CORO1C: variants seen among roughly 807,000 people sequenced by gnomAD.
CORO1C encodes the protein coronin 1C, also known as coronin-1C.
In CORO1C, 14 loss-of-function variants were observed where a neutral mutation model predicts 51.2. That is an observed-to-expected ratio of 0.27 (90% CI 0.18 to 0.43). The LOEUF (loss-of-function observed/expected upper bound fraction) is 0.43, where lower values mean the gene tolerates loss of function less well. CORO1C is among the 20% of genes least tolerant of loss of function. CORO1C has a pLI of 1.00. For missense variants in CORO1C, 417 were observed against 607.8 expected (o/e 0.69, Z 3.30); for synonymous variants, 181 against 210.5 (o/e 0.86, Z 1.21).
At chr12:108,720,954 A>G (rs1658493134) in intron 1 of CORO1C, among the ~76,000 whole-genome samples, 1 of 152,236 alleles carries the variant, frequency 6.6e-6, no homozygotes, top group South Asian at 2.1e-4. Flanking sequence ...ATTAACATTT[A>G]TTGAACAGCT....
intron 3 of CORO1C, among the ~76,000 whole-genome samples, chr12:108,673,809 C>G (rs1436632037): frequency 6.6e-6 from 1 of 152,100 alleles, no homozygotes; most frequent in Non-Finnish European, 1.5e-5. Flanking sequence ...AGCACACCAG[C>G]ATGGCACATG....
chr12:108,720,684 C>T (rs942762262), intron 1 of CORO1C, among the ~76,000 whole-genome samples: 9 of 151,904 alleles, frequency 5.9e-5, no homozygotes, highest in African/African-American at 9.7e-5. Context: ...CCACCACGCC[C>T]GGCTAATTTT....
intron 3 of CORO1C, among the ~76,000 whole-genome samples, chr12:108,671,264 A>G: frequency 6.6e-6 from 1 of 151,966 alleles, no homozygotes; most frequent in Non-Finnish European, 1.5e-5. Context: ...TGGGCCCAGG[A>G]GGTCAAGGCA....
intron 3 of CORO1C, among the ~76,000 whole-genome samples, chr12:108,675,457 T>C (rs746610029): frequency 1.3e-5 from 2 of 152,110 alleles, no homozygotes; most frequent in African/African-American, 2.4e-5. Flanking sequence ...CCATCAAATA[T>C]GTTCAAATCC....
chr12:108,708,582 C>T (rs2035093624), intron 1 of CORO1C, among the ~76,000 whole-genome samples: 1 of 151,874 alleles, frequency 6.6e-6, no homozygotes, highest in Non-Finnish European at 1.5e-5. Context: ...CTGCCTCAGC[C>T]TCCCAAGTAG....
chr12:108,662,289 G>A, intron 3 of CORO1C, 131 bp from the exon 4 acceptor site: 1 of 787,802 alleles, frequency 1.3e-6, no homozygotes, highest in Non-Finnish European at 2.0e-6. Flanking sequence ...ATGAAAGGCA[G>A]AATGTTGTGA....
chr12:108,649,457 G>A (rs1365218560), intron 8 of CORO1C: 1 of 185,054 alleles, frequency 5.4e-6, no homozygotes, highest in Non-Finnish European at 1.1e-5. Context: ...GAACATATAA[G>A]TATAAATATG....
chr12:108,676,952 A>G (rs995513265), intron 3 of CORO1C, among the ~76,000 whole-genome samples: 10 of 152,182 alleles, frequency 6.6e-5, no homozygotes, highest in African/African-American at 2.2e-4. Context: ...TCACAGGAGG[A>G]GACATTCCCA....
At chr12:108,721,447 C>T (rs143501666) in intron 1 of CORO1C, among the ~76,000 whole-genome samples, 278 of 152,284 alleles carry the variant, frequency 1.8e-3, no homozygotes, top group African/African-American at 6.5e-3. Context: ...GTCTATACTG[C>T]AGAATTCACC....
In CORO1C at chr12:108,658,151, G is replaced by A. The variant is rs934997454; in HGVS notation, c.630+587C>T. ...TTTGGGTGGCAGAAACTAAGACACT[G>A]AGCTGATGAGAGAACTTGTTGCTTT... On this transcript the variant is annotated intron_variant, in intron 5 of 10. Transcript: ENST00000261401. The surrounding 1 kb of genome is among the most constrained non-coding windows in gnomAD (Gnocchi z 4.9). 1.3e-5 allele frequency among the ~76,000 whole-genome samples: 2 copies of A among 152,194 alleles called. No homozygotes were observed. Among genetic ancestry groups the A allele is most frequent in the African/African-American group, 4.8e-5 (2 of 41,454 alleles).
At chr12:108,693,093 C>T (rs186691787) in intron 2 of CORO1C, among the ~76,000 whole-genome samples, 8 of 152,076 alleles carry the variant, frequency 5.3e-5, no homozygotes, top group African/African-American at 1.9e-4. Flanking sequence ...CCACCGCGCC[C>T]GGCTAAACCA....
intron 1 of CORO1C, among the ~76,000 whole-genome samples, chr12:108,729,304 G>T (rs1361882347): frequency 6.6e-6 from 1 of 152,142 alleles, no homozygotes; most frequent in Non-Finnish European, 1.5e-5. Flanking sequence ...ATATAAATAA[G>T]TATAAATGCT....
intron 4 of CORO1C, among the ~76,000 whole-genome samples, chr12:108,660,264 C>T (rs1017825193): frequency 2.0e-5 from 3 of 152,076 alleles, no homozygotes; most frequent in Non-Finnish European, 4.4e-5. Context: ...CCAGCCTGAC[C>T]AACATGGAGA....
intron 1 of CORO1C, among the ~76,000 whole-genome samples, chr12:108,726,729 CA>C (rs1222491535): frequency 2.0e-5 from 3 of 151,902 alleles, no homozygotes; most frequent in East Asian, 1.9e-4. Context: ...ATGAGTGTGA[CA>C]GGGGTAGTTC....
At chr12:108,694,369 T>C (rs776176931) in intron 2 of CORO1C, among the ~76,000 whole-genome samples, 4 of 151,584 alleles carry the variant, frequency 2.6e-5, no homozygotes, top group Non-Finnish European at 5.9e-5. Flanking sequence ...AATGAATGAA[T>C]GTGATTTTTC....
intron 1 of CORO1C, among the ~76,000 whole-genome samples, chr12:108,708,797 G>C (rs975548409): frequency 6.6e-6 from 1 of 151,912 alleles, no homozygotes; most frequent in African/African-American, 2.4e-5. Flanking sequence ...GTCTCACTCT[G>C]CACTCAGTGT....
At chr12:108,701,680 A>G in intron 1 of CORO1C, 1 of 223,758 alleles carries the variant, frequency 4.5e-6, no homozygotes, top group Non-Finnish European at 8.9e-6. Flanking sequence ...CCTTTTACAG[A>G]TAAGAAAACT....
chr12:108,685,881 T>G (rs2034277806), intron 2 of CORO1C, among the ~76,000 whole-genome samples: 1 of 152,234 alleles, frequency 6.6e-6, no homozygotes, highest in South Asian at 2.1e-4. Flanking sequence ...TTTGGCATGC[T>G]GGATGTTCAC....
intron 2 of CORO1C, among the ~76,000 whole-genome samples, chr12:108,690,290 G>A (rs1472652952): frequency 1.5e-5 from 2 of 135,854 alleles, no homozygotes; most frequent in African/African-American, 5.0e-5. Flanking sequence ...GAGGTAAAAG[G>A]AGGTGCTCTG....
Sources: gnomAD v4.1 joint callset for allele counts (sites outside exome capture counted in the v4.1 genomes callset) on GRCh38, gnomAD v4.1.1 for gene constraint, Gnocchi (gnomAD v3.1) non-coding constraint, MANE v1.5 for transcripts, NCBI Gene and HGNC (gene_info 2026-07-23, HGNC 2026-07-21) for gene names.